The following SLC47A1 variants were observed in gnomAD, a reference collection of about 807,000 sequenced individuals.
The protein encoded by SLC47A1 is multidrug and toxin extrusion protein 1.
In SLC47A1, 58 loss-of-function variants were observed where a neutral mutation model predicts 65.8. The observed-to-expected ratio is 0.88, with a 90% CI of 0.71 to 1.10. SLC47A1 has a LOEUF of 1.10. Ranked by LOEUF, SLC47A1 falls within the 50% of genes least tolerant of loss-of-function variation. The probability of loss-of-function intolerance (pLI) is 0.00; values close to 1 mark genes in which losing one functional copy is unlikely to be tolerated. For synonymous variants in SLC47A1, 285 were observed against 295.0 expected, an observed-to-expected ratio of 0.97 and a Z score of 0.35; for missense variants, 706 against 719.2, an observed-to-expected ratio of 0.98 and a Z score of 0.21.
intron 12 of SLC47A1, among the ~76,000 whole-genome samples, chr17:19,565,707 AG>A (rs1360090166): frequency 1.4e-5 from 2 of 145,406 alleles, no homozygotes; most frequent in Non-Finnish European, 3.0e-5. Context: ...CAGCCTCCCC[AG>A]CAGCTGGGAC....
chr17:19,566,763 T>G, intron 12 of SLC47A1, 27 bp from the exon 13 acceptor site: 1 of 1,611,308 alleles, frequency 6.2e-7, no homozygotes, highest in Middle Eastern at 1.6e-4. Flanking sequence ...TGTCTCCTAA[T>G]CACCACGTGC....
intron 1 of SLC47A1, among the ~76,000 whole-genome samples, chr17:19,540,441 G>C (rs1490991459): frequency 1.3e-5 from 2 of 152,188 alleles, no homozygotes; most frequent in Admixed American, 1.3e-4. Flanking sequence ...GTGATGCCGA[G>C]TTTACAAATA....
chr17:19,546,736 GA>G (rs1461482491), intron 3 of SLC47A1, among the ~76,000 whole-genome samples: 1 of 152,118 alleles, frequency 6.6e-6, no homozygotes, highest in African/African-American at 2.4e-5. Context: ...TCAAATAGGG[GA>G]CATTTTGTAA....
At chr17:19,555,964 G>T in intron 9 of SLC47A1, 31 bp from the exon 10 acceptor site, 1 of 1,614,156 alleles carries the variant, frequency 6.2e-7, no homozygotes, top group Non-Finnish European at 8.5e-7. Context: ...CCCTGTCTGG[G>T]TGCAAGGCGA....
At chr17:19,572,723 G>A in intron 15 of SLC47A1, 57 bp from the exon 16 acceptor site, 1 of 1,548,584 alleles carries the variant, frequency 6.5e-7, no homozygotes, top group Non-Finnish European at 8.9e-7. Context: ...AGGTGGTCAA[G>A]TAAAATACCA....
chr17:19,541,343 G>A (rs560839901), intron 1 of SLC47A1, among the ~76,000 whole-genome samples: 22 of 152,166 alleles, frequency 1.4e-4, no homozygotes, highest in Non-Finnish European at 2.1e-4. Context: ...ATTTTGGGCC[G>A]TGTAGCCTGC....
At chr17:19,555,755 G>A (rs756365908) in intron 8 of SLC47A1, 41 bp from the exon 9 acceptor site, 18 of 1,612,976 alleles carry the variant, frequency 1.1e-5, no homozygotes, top group African/African-American at 2.7e-5. Context: ...GTTCCAGCCC[G>A]ATGGCCAGAT....
chr17:19,577,946 G>C lies in SLC47A1; in HGVS notation c.*393G>C, dbSNP rs149290701. On this transcript the variant is annotated 3_prime_UTR_variant, in exon 17 of 17. Transcript: ENST00000270570. The stretch of plus-strand genomic sequence containing the variant: ...ACAGTATATCTTTCCTTGGGCCTTA[G>C]ATTACTATTCACTGGGCAAATGGTA... 4.6e-5 allele frequency: 59 copies of C among 1,275,762 alleles called. 1 individual carries two copies. In the East Asian group the frequency reaches 3.1e-3, roughly 67 times the overall value. 79.0% of individuals were successfully genotyped at this position (1,275,762 alleles called of 1,614,324 possible). A position where few individuals can be genotyped will look rare whatever the true frequency, so the allele number is the denominator to read the frequency against.
chr17:19,562,161 T>C (rs1296354053), intron 12 of SLC47A1, among the ~76,000 whole-genome samples: 1 of 152,236 alleles, frequency 6.6e-6, no homozygotes, highest in Non-Finnish European at 1.5e-5. Context: ...TTCAGAAAGC[T>C]GGTGGAGCGG....
intron 4 of SLC47A1, among the ~76,000 whole-genome samples, chr17:19,548,866 G>A (rs1477040494): frequency 6.6e-6 from 1 of 152,150 alleles, no homozygotes; most frequent in Non-Finnish European, 1.5e-5. Flanking sequence ...CTACTGTGCT[G>A]TCAAGTTTGA....
At chr17:19,543,051 G>A (rs1163406650) in intron 2 of SLC47A1, among the ~76,000 whole-genome samples, 3 of 149,536 alleles carry the variant, frequency 2.0e-5, no homozygotes, top group East Asian at 2.0e-4. Context: ...CTTGGCCTCC[G>A]AAAGTGCTGG....
intron 1 of SLC47A1, among the ~76,000 whole-genome samples, chr17:19,539,306 C>A (rs1341170483): frequency 6.6e-6 from 1 of 152,172 alleles, no homozygotes; most frequent in African/African-American, 2.4e-5. Context: ...TCTAGCGGAA[C>A]AGGCCTTTGT....
In SLC47A1 at chr17:19,546,440, C is replaced by G. The variant is rs762910783; in HGVS notation, c.243C>G (p.Ile81Met). ...ATCTTTGGGTTTATTTGCAGGTTAT[C>G]AATGTCACTGGTGTCTCAGTGGGAT... ...LDAVTLAIAVINVTGVSVGFG... is the reference protein window; with the variant it reads ...LDAVTLAIAVMNVTGVSVGFG... Residue 81 changes from isoleucine (I) to methionine (M), a missense_variant, in exon 3 of 17, where the codon ATC (isoleucine) becomes ATG (methionine). Coordinates refer to ENST00000270570, the MANE Select transcript of SLC47A1 (RefSeq NM_018242.3). The G allele has an allele frequency of 1.9e-6, 3 of 1,613,758 alleles. No homozygotes were observed. The South Asian group carries it at 3.3e-5, about 18-fold the overall frequency.
Position 19,571,517 on chromosome 17 carries a change from C to T in SLC47A1, c.1349C>T (p.Ala450Val). 1 of 1,614,036 alleles carries T rather than the reference C, an allele frequency of 6.2e-7. No homozygotes were observed. The highest frequency in any genetic ancestry group is 8.5e-7 in the Non-Finnish European group (1 of 1,179,994). ...SGIIICTVFQAVCFLGFIIQL... is the reference protein window; with the variant it reads ...SGIIICTVFQVVCFLGFIIQL... ...ATCATCATCTGTACAGTCTTTCAAG[C>T]TGTGTGTTTTCTAGGCTTTATTATT... The change falls in exon 15 of 17, where the codon GCT becomes GTT. Residue 450 changes from alanine (A) to valine (V), a missense_variant. Physicochemically the swap from Ala to Val is moderately conservative, Grantham distance 64 (BLOSUM62 0). Coordinates refer to ENST00000270570, the MANE Select transcript of SLC47A1 (RefSeq NM_018242.3).
At chr17:19,548,686 G>A (rs965966220) in intron 4 of SLC47A1, among the ~76,000 whole-genome samples, 5 of 152,082 alleles carry the variant, frequency 3.3e-5, no homozygotes, top group Non-Finnish European at 5.9e-5. Context: ...TTTTAGTAGA[G>A]ACGGGGTTTC....
intron 12 of SLC47A1, 78 bp from the exon 13 acceptor site, chr17:19,566,712 A>G: frequency 7.2e-7 from 1 of 1,388,762 alleles, no homozygotes; most frequent in Non-Finnish European, 1.0e-6. Context: ...GGCATGAGCC[A>G]CTGCGCCTAG....
At chr17:19,552,072 G>A (rs1390941039) in intron 6 of SLC47A1, among the ~76,000 whole-genome samples, 1 of 152,204 alleles carries the variant, frequency 6.6e-6, no homozygotes, top group Admixed American at 6.5e-5. Flanking sequence ...AGGTAAACAG[G>A]GGTACTCGGC....
At chr17:19,550,771 G>T (rs1176636415) in intron 5 of SLC47A1, among the ~76,000 whole-genome samples, 2 of 152,196 alleles carry the variant, frequency 1.3e-5, no homozygotes, top group Admixed American at 1.3e-4. Context: ...GTGCAGCAGG[G>T]TTGGTGTCCT....
chr17:19,575,568 C>G (rs2084433410), intron 16 of SLC47A1, among the ~76,000 whole-genome samples: 1 of 151,990 alleles, frequency 6.6e-6, no homozygotes, highest in Non-Finnish European at 1.5e-5. Flanking sequence ...TCAGCTAACT[C>G]TTTAATATTT....
Sources: allele counts gnomAD v4.1 joint callset (sites outside exome capture counted in the v4.1 genomes callset), GRCh38; gene constraint gnomAD v4.1.1; transcripts MANE v1.5; gene names NCBI Gene and HGNC (gene_info 2026-07-23, HGNC 2026-07-21).